C1orf21: variants seen among roughly 807,000 people sequenced by gnomAD.
C1orf21 encodes the protein chromosome 1 open reading frame 21.
In C1orf21, 3 loss-of-function variants were observed where a neutral mutation model predicts 18.7. That is an observed-to-expected ratio of 0.16 (90% confidence interval 0.07 to 0.42). The LOEUF (loss-of-function observed/expected upper bound fraction) is 0.42. Among genes scored for constraint, C1orf21 ranks in the 10% least tolerant of loss-of-function variants. The pLI is 0.99. For missense variants in C1orf21, 104 were observed against 143.6 expected (o/e 0.72, Z 1.41); for synonymous variants, 41 against 46.4 (o/e 0.88, Z 0.47).
chr1:184,609,144 G>A (rs886212335), intron 5 of C1orf21, among the ~76,000 whole-genome samples: 1 of 152,184 alleles, frequency 6.6e-6, no homozygotes, highest in Non-Finnish European at 1.5e-5. Flanking sequence ...TCCCTCTCCA[G>A]AGGCCCAGCC....
intron 3 of C1orf21, among the ~76,000 whole-genome samples, chr1:184,518,098 G>A (rs1221703161): frequency 6.6e-6 from 1 of 152,150 alleles, no homozygotes; most frequent in Non-Finnish European, 1.5e-5. Flanking sequence ...TATCCAGCTA[G>A]CATTTTTGTG....
chr1:184,388,720 G>T (rs1178850119), intron 1 of C1orf21, among the ~76,000 whole-genome samples: 1 of 151,880 alleles, frequency 6.6e-6, no homozygotes. Flanking sequence ...CCCTATTCAA[G>T]GGGATGGGTT....
chr1:184,527,229 C>T lies in C1orf21; in HGVS notation c.189+19547C>T, dbSNP rs568009688. Among the ~76,000 whole-genome samples, 10 of 152,310 alleles carry T rather than the reference C, an allele frequency of 6.6e-5. No homozygotes were observed. In the South Asian group the frequency reaches 2.1e-3, roughly 32 times the overall value. ...ATCCTCTATGCCAGAAGTGTTTGTGCATTCACCAAGTAATTGTTGGGTCCT... is the reference window on the plus strand; with the variant it reads ...ATCCTCTATGCCAGAAGTGTTTGTGTATTCACCAAGTAATTGTTGGGTCCT... On this transcript the variant is annotated intron_variant, in intron 3 of 5. Transcript: ENST00000235307.
chr1:184,597,961 GGA>G (rs1659538684), intron 4 of C1orf21, among the ~76,000 whole-genome samples: 1 of 152,104 alleles, frequency 6.6e-6, no homozygotes, highest in Non-Finnish European at 1.5e-5. Flanking sequence ...ATAGTCAGCT[GGA>G]GATCATGCTG....
At chr1:184,593,765 A>G (rs923736034) in intron 4 of C1orf21, among the ~76,000 whole-genome samples, 9 of 152,232 alleles carry the variant, frequency 5.9e-5, no homozygotes, top group Non-Finnish European at 1.0e-4. Context: ...AATGCACCAC[A>G]CTATAGTCAC....
chr1:184,542,846 C>G lies in C1orf21; in HGVS notation c.189+35164C>G, dbSNP rs144421607. On this transcript the variant is annotated intron_variant, in intron 3 of 5. Coordinates refer to ENST00000235307, the MANE Select transcript of C1orf21 (RefSeq NM_030806.4). ...CAATGAGCCCAGAGTCCCTCACTCT[C>G]CTGGCTTTTTGGAGACTGCCTGCCT... Among the ~76,000 whole-genome samples, 1,146 of 152,346 alleles carry G rather than the reference C, an allele frequency of 7.5e-3. 6 individuals are homozygous for G. Among genetic ancestry groups the G allele is most frequent in the Middle Eastern group, 0.02 (6 of 294 alleles).
chr1:184,547,576 G>A (rs1207177486), intron 3 of C1orf21, among the ~76,000 whole-genome samples: 3 of 152,050 alleles, frequency 2.0e-5, no homozygotes, highest in African/African-American at 4.8e-5. Context: ...ACGAAGCAGT[G>A]TACACGTGTG....
chr1:184,591,672 G>A (rs1302040936), intron 4 of C1orf21, among the ~76,000 whole-genome samples: 1 of 152,132 alleles, frequency 6.6e-6, no homozygotes, highest in Non-Finnish European at 1.5e-5. Flanking sequence ...CGGGCATGGT[G>A]GCGGGCTCCT....
intron 1 of C1orf21, among the ~76,000 whole-genome samples, chr1:184,419,657 A>C (rs1656514355): frequency 6.6e-6 from 1 of 152,116 alleles, no homozygotes; most frequent in Non-Finnish European, 1.5e-5. Context: ...GAAAAAAAAA[A>C]CAGAGCTTAA....
chr1:184,473,543 G>C (rs532415103), intron 1 of C1orf21, among the ~76,000 whole-genome samples: 1 of 152,172 alleles, frequency 6.6e-6, no homozygotes, highest in African/African-American at 2.4e-5. Context: ...TGATTCTAGC[G>C]GTCTTTGGGG....
Position 184,507,684 on chromosome 1 carries a change from T to G in C1orf21, c.189+2T>G. 1 of 1,579,444 alleles carries G rather than the reference T, an allele frequency of 6.3e-7. No individual in the cohort carries two copies. Among genetic ancestry groups the G allele is most frequent in the Non-Finnish European group, 8.6e-7 (1 of 1,168,912 alleles). ...GCAGCCAGGAACCAAGAAAACTTGGTAAGAATTGATTTTCTCACTTAACAA... is the reference window on the plus strand; with the variant it reads ...GCAGCCAGGAACCAAGAAAACTTGGGAAGAATTGATTTTCTCACTTAACAA... On this transcript the variant is annotated splice_donor_variant, in intron 3 of 5. Coordinates refer to ENST00000235307, the MANE Select transcript of C1orf21 (RefSeq NM_030806.4). LOFTEE classifies it high-confidence loss of function.
At chr1:184,465,026 C>T (rs1657368373) in intron 1 of C1orf21, among the ~76,000 whole-genome samples, 1 of 152,168 alleles carries the variant, frequency 6.6e-6, no homozygotes, top group African/African-American at 2.4e-5. Flanking sequence ...CTGCTTCAGC[C>T]TCCCAAAGTG....
intron 1 of C1orf21, among the ~76,000 whole-genome samples, chr1:184,460,329 G>A (rs779674809): frequency 2.0e-5 from 3 of 152,138 alleles, no homozygotes; most frequent in Non-Finnish European, 4.4e-5. Context: ...CTGTATGAAT[G>A]TTTACATCAC....
At chr1:184,406,505 G>C (rs991223355) in intron 1 of C1orf21, among the ~76,000 whole-genome samples, 1 of 152,158 alleles carries the variant, frequency 6.6e-6, no homozygotes, top group Non-Finnish European at 1.5e-5. Context: ...ATCATAACTG[G>C]GAGGGGGAGG....
intron 1 of C1orf21, among the ~76,000 whole-genome samples, chr1:184,437,195 G>A (rs1426340430): frequency 2.0e-5 from 3 of 152,022 alleles, no homozygotes; most frequent in African/African-American, 4.8e-5. Flanking sequence ...TCTCCCTCTC[G>A]TACCCCCCTA....
intron 5 of C1orf21, among the ~76,000 whole-genome samples, chr1:184,614,647 T>A (rs1167210332): frequency 6.6e-6 from 1 of 152,220 alleles, no homozygotes; most frequent in Non-Finnish European, 1.5e-5. Flanking sequence ...TTAATTTCTG[T>A]TATTACATAT....
At chr1:184,463,092 A>G (rs1311639612) in intron 1 of C1orf21, among the ~76,000 whole-genome samples, 2 of 151,510 alleles carry the variant, frequency 1.3e-5, no homozygotes, top group African/African-American at 4.8e-5. Context: ...CAAAAAAAAA[A>G]AAAAAAAAAA....
chr1:184,612,339 G>A (rs1659748436), intron 5 of C1orf21, among the ~76,000 whole-genome samples: 1 of 152,206 alleles, frequency 6.6e-6, no homozygotes, highest in African/African-American at 2.4e-5. Flanking sequence ...AAACCCAAGA[G>A]TCTTGACCGG....
chr1:184,603,731 G>T (rs1286421430), intron 5 of C1orf21, among the ~76,000 whole-genome samples: 2 of 152,226 alleles, frequency 1.3e-5, no homozygotes, highest in African/African-American at 4.8e-5. Flanking sequence ...GGAAGTGGAG[G>T]TTACAGTTGA....
Sources: allele counts gnomAD v4.1 joint callset (sites outside exome capture counted in the v4.1 genomes callset), GRCh38; gene constraint gnomAD v4.1.1; transcripts MANE v1.5; gene names NCBI Gene and HGNC (gene_info 2026-07-23, HGNC 2026-07-21).